Variants in ANKRD34B observed in about 807,000 individuals in gnomAD.
ANKRD34B encodes ankyrin repeat domain 34B, also known as ankyrin repeat domain-containing protein 34B.
Under a neutral mutation model 4.4 loss-of-function variants are expected in ANKRD34B, and 2 were observed. That is an observed-to-expected ratio of 0.46 (90% confidence interval 0.19 to 1.44). The LOEUF is 1.44. Ranked by LOEUF, ANKRD34B falls within the 40% of genes most tolerant of loss-of-function variation. The pLI is 0.26. For missense variants in ANKRD34B, 558 were observed against 604.7 expected (o/e 0.92, Z 0.81); for synonymous variants, 226 against 227.1 (o/e 0.99, Z 0.05).
At chr5:80,570,027 A>T (rs928107772) in intron 1 of ANKRD34B, 127 bp downstream of exon 1, 1 of 152,420 alleles carries the variant, frequency 6.6e-6, no homozygotes, top group Non-Finnish European at 1.5e-5. Context: ...CGCACCGGGC[A>T]GGGAGCACTG....
In ANKRD34B at chr5:80,559,949, C is replaced by T. The variant is rs865951841; in HGVS notation, c.71G>A (p.Arg24His). 9 of 1,613,676 alleles carry T rather than the reference C, an allele frequency of 5.6e-6. No individual in the cohort carries two copies. Among genetic ancestry groups the T allele is most frequent in the Middle Eastern group, 1.6e-4 (1 of 6,078 alleles). ...GCCTTCTAGCAAAAGTCTTGTGAGG[C>T]GAAGCCGGCTCTGATGGACTGCTTT... ...LIKAVHQSRL[R>H]LTRLLLEGGA... The change falls in exon 5 of 5, where the codon CGC (arginine) becomes CAC (histidine). Residue 24 changes from arginine (R) to histidine (H), a missense_variant. Arg to His is a conservative substitution (Grantham distance 29). Coordinates refer to ENST00000338682, the MANE Select transcript of ANKRD34B (RefSeq NM_001004441.3).
Position 80,556,833 on chromosome 5 carries a change from A to G in ANKRD34B, c.*1642T>C, listed in dbSNP as rs1746249849. On this transcript the variant is annotated 3_prime_UTR_variant, in exon 5 of 5. Transcript: ENST00000338682. ...ATACCCTTCCAAATTGTATCCTTAC[A>G]ACTTGAAGTCAAGTACTTTTCTCGA... 6.6e-6 allele frequency: 1 copy of G among 152,630 alleles called. No individual in the cohort carries two copies. The highest frequency in any genetic ancestry group is 1.5e-5 in the Non-Finnish European group (1 of 68,018). 9.5% of individuals were successfully genotyped at this position (152,630 alleles called of 1,614,324 possible).
At chr5:80,565,339 A>G in intron 3 of ANKRD34B, among the ~76,000 whole-genome samples, 1 of 152,232 alleles carries the variant, frequency 6.6e-6, no homozygotes, top group East Asian at 1.9e-4. Context: ...TCCTGATTGG[A>G]CACTGAGTGC....
intron 4 of ANKRD34B, among the ~76,000 whole-genome samples, chr5:80,562,754 T>C (rs966105881): frequency 1.3e-5 from 2 of 152,234 alleles, no homozygotes; most frequent in African/African-American, 4.8e-5. Flanking sequence ...TGTCAGATAC[T>C]TTATTCTCCA....
Position 80,558,602 on chromosome 5 carries a change from A to G in ANKRD34B, c.1418T>C (p.Leu473Pro). ...INVNNKICSL[L>P]SCGQKVLMPT... ...CATAAGCACTTTTTGACCACAAGAA[A>G]GAAGGCTGCAAATCTTGTTGTTGAC... The change falls in exon 5 of 5, where the codon CTT becomes CCT. Residue 473 changes from leucine to proline, a missense_variant. Transcript: ENST00000338682. 1 of 1,614,122 alleles carries G rather than the reference A, an allele frequency of 6.2e-7. No individual in the cohort carries two copies. The highest frequency in any genetic ancestry group is 2.2e-5 in the East Asian group (1 of 44,880).
chr5:80,559,011 C>T lies in ANKRD34B; in HGVS notation c.1009G>A (p.Glu337Lys), dbSNP rs767091613. 6.2e-7 allele frequency: 1 copy of T among 1,614,188 alleles called. No individual in the cohort carries two copies. Among genetic ancestry groups the T allele is most frequent in the Non-Finnish European group, 8.5e-7 (1 of 1,180,030 alleles). The change falls in exon 5 of 5, where the codon GAA becomes AAA. Residue 337 changes from glutamate to lysine, a missense_variant. Physicochemically the swap from Glu to Lys is moderately conservative, Grantham distance 56 (BLOSUM62 1). Coordinates refer to ENST00000338682, the MANE Select transcript of ANKRD34B (RefSeq NM_001004441.3). ...YLSEGNQQCI[E>K]VPVDQDPDSN... ...TCTGGGTCCTGGTCAACAGGGACTT[C>T]AATGCATTGCTGATTTCCTTCTGAA...
At chr5:80,560,381 T>C (rs558430024) in intron 4 of ANKRD34B, among the ~76,000 whole-genome samples, 1 of 152,048 alleles carries the variant, frequency 6.6e-6, no homozygotes, top group Non-Finnish European at 1.5e-5. Context: ...TTAGGACAAG[T>C]ACAGTGGCTC....
intron 2 of ANKRD34B, among the ~76,000 whole-genome samples, chr5:80,566,990 T>C (rs564551356): frequency 1.0e-3 from 157 of 152,258 alleles, no homozygotes; most frequent in African/African-American, 3.5e-3. Flanking sequence ...GAGTCTGCCA[T>C]GCGAGGACTG....
chr5:80,557,426 A>G lies in ANKRD34B; in HGVS notation c.*1049T>C, dbSNP rs1381196767. On this transcript the variant is annotated 3_prime_UTR_variant, in exon 5 of 5. Coordinates refer to ENST00000338682, the MANE Select transcript of ANKRD34B (RefSeq NM_001004441.3). ...AAAAAGGCATTGTTTAATATTGCCAAATATTTAGTACATTTTGTGATTAAG... is the reference window on the plus strand; with the variant it reads ...AAAAAGGCATTGTTTAATATTGCCAGATATTTAGTACATTTTGTGATTAAG... 1 of 152,060 alleles carries G rather than the reference A, an allele frequency of 6.6e-6. No homozygotes were observed. The highest frequency in any genetic ancestry group is 1.5e-5 in the Non-Finnish European group (1 of 67,982). 9.4% of individuals were successfully genotyped at this position (152,060 alleles called of 1,614,324 possible). A position where few individuals can be genotyped will look rare whatever the true frequency, so the allele number is the denominator to read the frequency against.
Position 80,558,916 on chromosome 5 carries a change from G to C in ANKRD34B, c.1104C>G (p.His368Gln). ...IVQKRNLGAN[H>Q]YSSDSQLSAG... is the part of the protein sequence containing the mutation. ...CTGAGAGCTGGGAATCAGAGCTGTA[G>C]TGATTTGCCCCCAAGTTTCTTTTTT... The change falls in exon 5 of 5, where the codon CAC becomes CAG. Residue 368 changes from histidine to glutamine, a missense_variant. By Grantham distance (24) the His-to-Gln change is conservative. Coordinates refer to ENST00000338682, the MANE Select transcript of ANKRD34B (RefSeq NM_001004441.3). The C allele has an allele frequency of 6.2e-7, 1 of 1,614,212 alleles. No individual in the cohort carries two copies. The highest frequency in any genetic ancestry group is 8.5e-7 in the Non-Finnish European group (1 of 1,180,048).
At position 80,558,855 on chromosome 5, in the gene ANKRD34B, C is replaced by T. The variant is rs773410075; in HGVS notation, c.1165G>A (p.Ala389Thr). The T allele has an allele frequency of 3.7e-6, 6 of 1,613,952 alleles. No individual in the cohort carries two copies. In the South Asian group the frequency reaches 6.6e-5, roughly 18 times the overall value. The change falls in exon 5 of 5, where the codon GCA becomes ACA. Residue 389 changes from alanine to threonine, a missense_variant. Physicochemically the swap from Ala to Thr is moderately conservative, Grantham distance 58 (BLOSUM62 0). Coordinates refer to ENST00000338682, the MANE Select transcript of ANKRD34B (RefSeq NM_001004441.3). ...LTPPTSEDGK[A>T]LIGKKKILSP... Reference sequence around the variant, plus strand: ...AGGATCTTTTTCTTTCCTATAAGTGCTTTGCCGTCTTCTGAAGTTGGAGGG... The same window carrying T: ...AGGATCTTTTTCTTTCCTATAAGTGTTTTGCCGTCTTCTGAAGTTGGAGGG...
Position 80,558,371 on chromosome 5 carries a change from T to C in ANKRD34B, c.*104A>G. ...TTTAATCCATCTAGCCATTATGGACTAACCAATCACGAGATTTAAAAGAAT... is the reference window on the plus strand; with the variant it reads ...TTTAATCCATCTAGCCATTATGGACCAACCAATCACGAGATTTAAAAGAAT... On this transcript the variant is annotated 3_prime_UTR_variant, in exon 5 of 5. Coordinates refer to ENST00000338682, the MANE Select transcript of ANKRD34B (RefSeq NM_001004441.3). The C allele has an allele frequency of 1.1e-6, 1 of 926,430 alleles. No individual in the cohort carries two copies. 57.4% of individuals were successfully genotyped at this position (926,430 alleles called of 1,614,324 possible). A position where few individuals can be genotyped will look rare whatever the true frequency, so the allele number is the denominator to read the frequency against.
intron 2 of ANKRD34B, among the ~76,000 whole-genome samples, chr5:80,567,838 T>C (rs1746622046): frequency 6.6e-6 from 1 of 151,944 alleles, no homozygotes; most frequent in Non-Finnish European, 1.5e-5. Flanking sequence ...GATTAAAGAC[T>C]GCTCAGATGA....
rs991891977 is a variant in ANKRD34B at position 80,558,779 on chromosome 5, A to T, written c.1241T>A (p.Ile414Asn). 1.9e-6 allele frequency: 3 copies of T among 1,613,996 alleles called. No homozygotes were observed. The Admixed American group carries it at 5.0e-5, about 27-fold the overall frequency. ...TCTCCTGCTCAGGGGACCTGGGGGG[A>T]TATTCTCCAACAATTCTTTGGACTC... ...LSESKELLEN[I>N]PPGPLSRRNH... Residue 414 changes from isoleucine (I) to asparagine (N), a missense_variant, in exon 5 of 5, where the codon ATC becomes AAC. Coordinates refer to ENST00000338682, the MANE Select transcript of ANKRD34B (RefSeq NM_001004441.3).
chr5:80,559,851 C>A lies in ANKRD34B; in HGVS notation c.169G>T (p.Asp57Tyr), dbSNP rs1258467142. 10 of 1,614,178 alleles carry A rather than the reference C, an allele frequency of 6.2e-6. No individual in the cohort carries two copies. The highest frequency in any genetic ancestry group is 7.6e-6 in the Non-Finnish European group (9 of 1,180,044). The part of the protein sequence containing the change: ...LMIACKTKHV[D>Y]HQSVSKAKMV... Reference sequence around the variant, plus strand: ...TTGGCTTTACTGACACTCTGGTGATCGACATGTTTGGTCTTACAAGCGATC... The same window carrying A: ...TTGGCTTTACTGACACTCTGGTGATAGACATGTTTGGTCTTACAAGCGATC... The change falls in exon 5 of 5, where the codon GAT (aspartate) becomes TAT (tyrosine). Residue 57 changes from aspartate (D) to tyrosine (Y), a missense_variant. By Grantham distance (160) the Asp-to-Tyr change is radical. Coordinates refer to ENST00000338682, the MANE Select transcript of ANKRD34B (RefSeq NM_001004441.3).
At position 80,559,038 on chromosome 5, in the gene ANKRD34B, G is replaced by C. The variant is rs140758220; in HGVS notation, c.982C>G (p.Leu328Val). 5.0e-5 allele frequency: 80 copies of C among 1,614,120 alleles called. No individual in the cohort carries two copies. The African/African-American group carries it at 9.6e-4, about 19-fold the overall frequency. The change falls in exon 5 of 5, where the codon CTT (leucine) becomes GTT (valine). Residue 328 changes from leucine (L) to valine (V), a missense_variant. Leu to Val is a conservative substitution (Grantham distance 32). Transcript: ENST00000338682. ...ATGCATTGCTGATTTCCTTCTGAAAGATAAGATTGACAATTTATTTCATCA... is the reference window on the plus strand; with the variant it reads ...ATGCATTGCTGATTTCCTTCTGAAACATAAGATTGACAATTTATTTCATCA... Reference protein sequence around the residue: ...SYDEINCQSYLSEGNQQCIEV... With the variant: ...SYDEINCQSYVSEGNQQCIEV...
intron 4 of ANKRD34B, among the ~76,000 whole-genome samples, chr5:80,562,599 T>C (rs1318470566): frequency 1.3e-5 from 2 of 152,202 alleles, no homozygotes; most frequent in East Asian, 1.9e-4. Context: ...GATAAATTGC[T>C]ATAGTGTTCT....
rs752440746 is a variant in ANKRD34B, at chr5:80,558,667, G to A, written c.1353C>T (p.Pro451=). The change falls in exon 5 of 5, where the codon CCC becomes CCT. Residue 451 remains proline, a synonymous_variant. Transcript: ENST00000338682. ...VTQTRQGFLP[P]LNVNSHPPIS... ...TGGGAGGGTGAGAATTTACATTTAAGGGTGGGAGAAACCCTTGTCTGGTTT... is the reference window on the plus strand; with the variant it reads ...TGGGAGGGTGAGAATTTACATTTAAAGGTGGGAGAAACCCTTGTCTGGTTT... 2 of 1,614,040 alleles carry A rather than the reference G, an allele frequency of 1.2e-6. No individual in the cohort carries two copies. The highest frequency in any genetic ancestry group is 2.2e-5 in the East Asian group (1 of 44,894).
At position 80,557,192 on chromosome 5, in the gene ANKRD34B, A is replaced by G. The variant is rs1470142750; in HGVS notation, c.*1283T>C. On this transcript the variant is annotated 3_prime_UTR_variant, in exon 5 of 5. Coordinates refer to ENST00000338682, the MANE Select transcript of ANKRD34B (RefSeq NM_001004441.3). ...TTATCCTTTGTTGTTAAGCTGCTAG[A>G]CTGAAATAAGGATTCTTTGTATAAA... 1 of 152,502 alleles carries G rather than the reference A, an allele frequency of 6.6e-6. No homozygotes were observed. The highest frequency in any genetic ancestry group is 1.5e-5 in the Non-Finnish European group (1 of 67,964). 9.4% of individuals were successfully genotyped at this position (152,502 alleles called of 1,614,324 possible).
Sources: gnomAD v4.1 joint callset for allele counts (sites outside exome capture counted in the v4.1 genomes callset) on GRCh38, gnomAD v4.1.1 for gene constraint, MANE v1.5 for transcripts, NCBI Gene and HGNC (gene_info 2026-07-23, HGNC 2026-07-21) for gene names.